Variants in MARCHF3 observed in about 807,000 individuals in gnomAD.
The protein encoded by MARCHF3 is membrane associated ring-CH-type finger 3, also known as E3 ubiquitin-protein ligase MARCHF3.
Under a neutral mutation model 24.2 loss-of-function variants are expected in MARCHF3, and 13 were observed. The ratio of observed to expected loss-of-function variants is 0.54; its 90% CI spans 0.35 to 0.85. The LOEUF is 0.85. Ranked by LOEUF, MARCHF3 falls within the 40% of genes least tolerant of loss-of-function variation. The pLI is 0.01. For synonymous variants in MARCHF3, 144 were observed against 137.3 expected (o/e 1.05, Z -0.34); for missense variants, 276 against 325.0 (o/e 0.85, Z 1.16).
intron 1 of MARCHF3, among the ~76,000 whole-genome samples, chr5:126,997,251 C>A (rs188744175): frequency 9.9e-5 from 15 of 151,930 alleles, no homozygotes; most frequent in Non-Finnish European, 1.6e-4. Flanking sequence ...ATAGAGTACA[C>A]GGACAAGTTA....
chr5:126,877,450 G>A (rs1753194652), intron 4 of MARCHF3, among the ~76,000 whole-genome samples: 1 of 152,196 alleles, frequency 6.6e-6, no homozygotes, highest in Non-Finnish European at 1.5e-5. Flanking sequence ...AAAGCATAAG[G>A]AGAGAGATCA....
At position 126,895,617 on chromosome 5, in the gene MARCHF3, G is replaced by A. The variant is rs1172586079; in HGVS notation, c.394-17223C>T. Among the ~76,000 whole-genome samples the A allele has an allele frequency of 2.6e-5, 4 of 152,108 alleles. No homozygotes were observed. The East Asian group carries it at 7.7e-4, about 29-fold the overall frequency. ...CTGCTGGGGGGTGCCTCCCAGTTATGCTGCTCGGGGGTCAGGGGTCAGGGA... is the reference window on the plus strand; with the variant it reads ...CTGCTGGGGGGTGCCTCCCAGTTATACTGCTCGGGGGTCAGGGGTCAGGGA... On this transcript the variant is annotated intron_variant, in intron 3 of 4. Transcript: ENST00000308660.
intron 1 of MARCHF3, among the ~76,000 whole-genome samples, chr5:126,921,594 T>A (rs1749109976): frequency 6.6e-6 from 1 of 152,074 alleles, no homozygotes; most frequent in Admixed American, 6.5e-5. Context: ...CGAGCATGGG[T>A]CTTCTATTGA....
At chr5:126,899,930 A>G (rs911809347) in intron 3 of MARCHF3, among the ~76,000 whole-genome samples, 1 of 152,050 alleles carries the variant, frequency 6.6e-6, no homozygotes, top group Non-Finnish European at 1.5e-5. Flanking sequence ...ATCATCACCA[A>G]AGCTCATGCC....
At chr5:127,013,071 T>G (rs1446052870) in intron 1 of MARCHF3, among the ~76,000 whole-genome samples, 2 of 152,190 alleles carry the variant, frequency 1.3e-5, no homozygotes, top group African/African-American at 4.8e-5. Flanking sequence ...AAGCAGTTGC[T>G]TTCTAGTGGA....
Position 126,897,328 on chromosome 5 carries a change from C to T in MARCHF3, c.393+17602G>A, listed in dbSNP as rs964861134. Reference sequence around the variant, plus strand: ...TGCTGAGATTACAGGCATGAGCCACCGCCCCTGGCCAAGAAATTTAAGGAT... The same window carrying T: ...TGCTGAGATTACAGGCATGAGCCACTGCCCCTGGCCAAGAAATTTAAGGAT... On this transcript the variant is annotated intron_variant, in intron 3 of 4. Transcript: ENST00000308660. Among the ~76,000 whole-genome samples the T allele has an allele frequency of 2.4e-4, 36 of 151,966 alleles. 1 individual carries two copies. The highest frequency in any genetic ancestry group is 3.4e-3 in the Middle Eastern group (1 of 292).
chr5:126,900,013 T>G (rs559721819), intron 3 of MARCHF3, among the ~76,000 whole-genome samples: 13 of 152,224 alleles, frequency 8.5e-5, no homozygotes, highest in African/African-American at 2.6e-4. Flanking sequence ...ACCATTATAG[T>G]GCAGACTAGT....
chr5:126,923,612 G>A (rs1749199689), intron 1 of MARCHF3, among the ~76,000 whole-genome samples: 1 of 152,158 alleles, frequency 6.6e-6, no homozygotes, highest in Admixed American at 6.5e-5. Context: ...TTCAAGAAGT[G>A]ATAACAAACT....
chr5:126,965,385 C>T (rs1750772486), intron 1 of MARCHF3, among the ~76,000 whole-genome samples: 1 of 152,138 alleles, frequency 6.6e-6, no homozygotes, highest in East Asian at 1.9e-4. Context: ...CTGACTTCCA[C>T]AGAAAGTTGA....
chr5:126,931,412 C>T (rs911905954), intron 1 of MARCHF3, among the ~76,000 whole-genome samples: 9 of 152,052 alleles, frequency 5.9e-5, no homozygotes, highest in South Asian at 4.1e-4. Context: ...TATAAATAAA[C>T]GAATACAAGC....
chr5:126,973,757 T>C (rs954680244), intron 1 of MARCHF3, among the ~76,000 whole-genome samples: 2 of 152,186 alleles, frequency 1.3e-5, no homozygotes, highest in African/African-American at 2.4e-5. Context: ...TTGTAGTTCA[T>C]CACCATCCAA....
At chr5:126,933,484 G>A (rs1458324450) in intron 1 of MARCHF3, among the ~76,000 whole-genome samples, 1 of 145,612 alleles carries the variant, frequency 6.9e-6, no homozygotes, top group Non-Finnish European at 1.5e-5. Flanking sequence ...TCGCTGTGTC[G>A]CCCAGGCTGG....
At chr5:126,994,212 G>A (rs1250621240) in intron 1 of MARCHF3, among the ~76,000 whole-genome samples, 1 of 152,202 alleles carries the variant, frequency 6.6e-6, no homozygotes, top group African/African-American at 2.4e-5. Flanking sequence ...CAACAATGTG[G>A]ACAGACCTCA....
At position 126,896,499 on chromosome 5, in the gene MARCHF3, C is replaced by G. The variant is rs143487082; in HGVS notation, c.394-18105G>C. 2.4e-3 allele frequency among the ~76,000 whole-genome samples: 372 copies of G among 152,212 alleles called. 5 individuals carry two copies. Among genetic ancestry groups the G allele is most frequent in the African/African-American group, 8.5e-3 (352 of 41,520 alleles). ...CTGGGAAACACATATACATTTTTAG[C>G]TTGAGTGATCCTGAGACATGCAACC... On this transcript the variant is annotated intron_variant, in intron 3 of 4. Coordinates refer to ENST00000308660, the MANE Select transcript of MARCHF3 (RefSeq NM_178450.5).
chr5:126,932,759 C>T (rs912239321), intron 1 of MARCHF3, among the ~76,000 whole-genome samples: 7 of 152,050 alleles, frequency 4.6e-5, no homozygotes, highest in Non-Finnish European at 2.9e-5. Flanking sequence ...GCTAGGTGGG[C>T]CACTATAGCT....
intron 1 of MARCHF3, among the ~76,000 whole-genome samples, chr5:126,987,031 T>C (rs1751588578): frequency 6.6e-6 from 1 of 152,036 alleles, no homozygotes; most frequent in South Asian, 2.1e-4. Flanking sequence ...GTGAGGGTAT[T>C]TGTGGATGTG....
intron 3 of MARCHF3, among the ~76,000 whole-genome samples, chr5:126,905,977 T>G (rs1754278680): frequency 1.3e-5 from 2 of 152,056 alleles, no homozygotes; most frequent in African/African-American, 2.4e-5. Context: ...CTTATTATTT[T>G]GAGATACGTC....
intron 1 of MARCHF3, among the ~76,000 whole-genome samples, chr5:127,010,982 TG>T (rs1646033091): frequency 6.6e-6 from 1 of 152,196 alleles, no homozygotes; most frequent in Non-Finnish European, 1.5e-5. Context: ...TTACTACCAC[TG>T]AACTGTACAT....
intron 1 of MARCHF3, among the ~76,000 whole-genome samples, chr5:127,021,534 T>C (rs1752805662): frequency 6.6e-6 from 1 of 152,210 alleles, no homozygotes; most frequent in Non-Finnish European, 1.5e-5. Context: ...TAAGAGACCA[T>C]AATTAAAACA....
Sources: allele counts gnomAD v4.1 joint callset (sites outside exome capture counted in the v4.1 genomes callset), GRCh38; gene constraint gnomAD v4.1.1; transcripts MANE v1.5; gene names NCBI Gene and HGNC (gene_info 2026-07-23, HGNC 2026-07-21).